Variants in SYNPR observed in about 807,000 individuals in gnomAD.
SYNPR encodes the protein synaptoporin.
A neutral mutation model predicts 32.9 loss-of-function variants in SYNPR; 23 were observed. The ratio of observed to expected loss-of-function variants is 0.70; its 90% CI spans 0.50 to 0.99. The LOEUF is 0.99. SYNPR is among the 50% of genes least tolerant of loss of function. The probability of loss-of-function intolerance (pLI) is 0.00; values close to 1 mark genes in which losing one functional copy is unlikely to be tolerated. For synonymous variants in SYNPR, 146 were observed against 135.9 expected, an observed-to-expected ratio of 1.07 and a Z score of -0.52; for missense variants, 318 against 349.3, an observed-to-expected ratio of 0.91 and a Z score of 0.71.
intron 2 of SYNPR, among the ~76,000 whole-genome samples, chr3:63,317,579 C>T (rs1170598002): frequency 6.6e-6 from 1 of 151,990 alleles, no homozygotes; most frequent in Non-Finnish European, 1.5e-5. Context: ...TGTCCATTTG[C>T]ACAAAATGCC....
At chr3:63,515,353 C>G (rs1429137916) in intron 3 of SYNPR, among the ~76,000 whole-genome samples, 1 of 152,062 alleles carries the variant, frequency 6.6e-6, no homozygotes, top group East Asian at 1.9e-4. Context: ...TTGTCTTCCT[C>G]CTTTTGCTTA....
At chr3:63,426,353 G>A (rs1312733083) in intron 2 of SYNPR, among the ~76,000 whole-genome samples, 1 of 152,172 alleles carries the variant, frequency 6.6e-6, no homozygotes, top group East Asian at 1.9e-4. Context: ...ACTGTCACCA[G>A]TAACCTGCAT....
intron 4 of SYNPR, among the ~76,000 whole-genome samples, chr3:63,580,673 C>T (rs1485761737): frequency 2.6e-5 from 4 of 152,118 alleles, no homozygotes; most frequent in Admixed American, 2.6e-4. Flanking sequence ...AATGGGTTGG[C>T]ATTCAGCATG....
chr3:63,482,694 T>TG (rs1438720387), intron 3 of SYNPR, among the ~76,000 whole-genome samples: 1 of 152,236 alleles, frequency 6.6e-6, no homozygotes, highest in Non-Finnish European at 1.5e-5. Context: ...CAGAATGTCT[T>TG]GTACTTTTGC....
At chr3:63,549,368 T>C (rs1249091631) in intron 3 of SYNPR, among the ~76,000 whole-genome samples, 1 of 152,176 alleles carries the variant, frequency 6.6e-6, no homozygotes, top group East Asian at 1.9e-4. Context: ...CTAAGGATGC[T>C]GTAATTTTTA....
chr3:63,546,701 A>G (rs1702410121), intron 3 of SYNPR, among the ~76,000 whole-genome samples: 1 of 145,862 alleles, frequency 6.9e-6, no homozygotes, highest in Non-Finnish European at 1.5e-5. Context: ...AATAATGAAA[A>G]TTTCCTCTTA....
chr3:63,357,326 T>G (rs1285862788), intron 2 of SYNPR, among the ~76,000 whole-genome samples: 1 of 151,948 alleles, frequency 6.6e-6, no homozygotes, highest in East Asian at 1.9e-4. Flanking sequence ...AGCATGGCCT[T>G]TCTCTCTCTT....
At chr3:63,384,294 T>G (rs907636132) in intron 2 of SYNPR, among the ~76,000 whole-genome samples, 1 of 152,214 alleles carries the variant, frequency 6.6e-6, no homozygotes, top group Non-Finnish European at 1.5e-5. Context: ...GTGGAATGAG[T>G]GCTCAATAAA....
intron 2 of SYNPR, among the ~76,000 whole-genome samples, chr3:63,465,345 T>C (rs1700656933): frequency 6.6e-6 from 1 of 152,080 alleles, no homozygotes; most frequent in Admixed American, 6.5e-5. Context: ...TACAATAGTA[T>C]AATAATAGAA....
chr3:63,208,759 A>C, the SYNPR span, among the ~76,000 whole-genome samples: 1 of 152,184 alleles, frequency 6.6e-6, no homozygotes, highest in Non-Finnish European at 1.5e-5. Flanking sequence ...GAAGTCAGAG[A>C]CCATGTCTTT....
chr3:63,378,937 T>A (rs1435043019), intron 2 of SYNPR, among the ~76,000 whole-genome samples: 1 of 152,140 alleles, frequency 6.6e-6, no homozygotes, highest in East Asian at 1.9e-4. Flanking sequence ...ATTATAAGTA[T>A]GTTTCTTAGC....
intron 1 of SYNPR, among the ~76,000 whole-genome samples, chr3:63,245,708 AGAGTGTGTGT>A (rs1177815994): frequency 1.0e-4 from 5 of 50,158 alleles, no homozygotes; most frequent in African/African-American, 3.1e-4. Flanking sequence ...AGAGAGAGAG[AGAGTGTGTGT>A]GTGTGTGTGT....
At chr3:63,319,264 T>C (rs1441685075) in intron 2 of SYNPR, among the ~76,000 whole-genome samples, 1 of 152,120 alleles carries the variant, frequency 6.6e-6, no homozygotes, top group African/African-American at 2.4e-5. Flanking sequence ...GGGTTCTGTA[T>C]TCTGTTCCAT....
At chr3:63,274,932 GGAC>G (rs1239580971), upstream of SYNPR, among the ~76,000 whole-genome samples, 2 of 152,066 alleles carry the variant, frequency 1.3e-5, no homozygotes, top group Non-Finnish European at 2.9e-5. Context: ...GAGAACCAGA[GGAC>G]TGCAGTAAAT....
intron 5 of SYNPR, 35 bp downstream of exon 5, chr3:63,609,351 T>C (rs1196559067): frequency 1.4e-6 from 2 of 1,448,936 alleles, no homozygotes; most frequent in Admixed American, 5.9e-5. Context: ...ACTGTTCATA[T>C]CTTTGTTTGC....
intron 1 of SYNPR, among the ~76,000 whole-genome samples, chr3:63,246,095 A>C (rs987932934): frequency 6.6e-6 from 1 of 152,066 alleles, no homozygotes; most frequent in Non-Finnish European, 1.5e-5. Context: ...GCTATGCAAG[A>C]AAGAAGGAAC....
At chr3:63,345,062 A>G (rs779901252) in intron 2 of SYNPR, among the ~76,000 whole-genome samples, 1 of 152,222 alleles carries the variant, frequency 6.6e-6, no homozygotes, top group Non-Finnish European at 1.5e-5. Context: ...TAAAGGGACA[A>G]TTAGGCAAAT....
intron 2 of SYNPR, among the ~76,000 whole-genome samples, chr3:63,266,402 G>T (rs2086485454): frequency 6.6e-6 from 1 of 151,642 alleles, no homozygotes; most frequent in Non-Finnish European, 1.5e-5. Context: ...AATTATTAAT[G>T]GAATAAAACA....
chr3:63,510,315 G>A (rs1701671885), intron 3 of SYNPR, among the ~76,000 whole-genome samples: 1 of 152,102 alleles, frequency 6.6e-6, no homozygotes, highest in African/African-American at 2.4e-5. Context: ...GTTTTGAATG[G>A]AGAGAACAAT....
Sources: gnomAD v4.1 joint callset for allele counts (sites outside exome capture counted in the v4.1 genomes callset) on GRCh38, gnomAD v4.1.1 for gene constraint, MANE v1.5 for transcripts, NCBI Gene and HGNC (gene_info 2026-07-23, HGNC 2026-07-21) for gene names.